The following ABCC5 variants were observed in gnomAD, a reference collection of about 807,000 sequenced individuals.
ABCC5 encodes the protein ATP-binding cassette sub-family C member 5.
Under a neutral mutation model 160.9 loss-of-function variants are expected in ABCC5, and 61 were observed. The observed-to-expected ratio is 0.38, with a 90% CI of 0.31 to 0.47. The LOEUF is 0.47. Among genes scored for constraint, ABCC5 ranks in the 20% least tolerant of loss-of-function variants. The pLI is 0.99. For synonymous variants in ABCC5, 666 were observed against 700.6 expected, an observed-to-expected ratio of 0.95 and a Z score of 0.78; for missense variants, 1,308 against 1,813.3, an observed-to-expected ratio of 0.72 and a Z score of 5.06.
chr3:183,929,717 C>G (rs944583609), intron 26 of ABCC5, among the ~76,000 whole-genome samples: 9 of 152,180 alleles, frequency 5.9e-5, no homozygotes, highest in Non-Finnish European at 7.3e-5. Context: ...TCAAGGAAAT[C>G]AGAGTTGATA....
At chr3:183,938,130 T>C in intron 25 of ABCC5, 70 bp from the exon 26 acceptor site, 1 of 1,483,282 alleles carries the variant, frequency 6.7e-7, no homozygotes, top group Non-Finnish European at 9.3e-7. Context: ...TGGTTTAGCC[T>C]CAGGGCAATG....
chr3:183,953,027 A>C, intron 18 of ABCC5, 59 bp downstream of exon 18: 1 of 1,491,046 alleles, frequency 6.7e-7, no homozygotes, highest in Non-Finnish European at 9.1e-7. Context: ...TAGCCAGGGA[A>C]TAGGGAGAAA....
intron 11 of ABCC5, among the ~76,000 whole-genome samples, chr3:183,970,901 T>C (rs965098208): frequency 2.0e-5 from 3 of 152,238 alleles, no homozygotes; most frequent in Admixed American, 6.5e-5. Flanking sequence ...GCATCTGGCA[T>C]GGAGTTTGAT....
At chr3:183,929,968 G>A (rs975096193) in intron 26 of ABCC5, among the ~76,000 whole-genome samples, 3 of 152,148 alleles carry the variant, frequency 2.0e-5, no homozygotes, top group Admixed American at 6.5e-5. Flanking sequence ...CACTGAGGAT[G>A]AGGGTGGAGA....
intron 16 of ABCC5, among the ~76,000 whole-genome samples, chr3:183,960,422 A>G (rs1716614055): frequency 1.3e-5 from 2 of 152,120 alleles, no homozygotes; most frequent in Admixed American, 1.3e-4. Context: ...CCTTGTCCCA[A>G]TCGCAGTCAC....
At position 183,961,489 on chromosome 3, in the gene ABCC5, C is replaced by G. The variant is rs370888001; in HGVS notation, c.2379+22G>C. ...CCTTGCAGAGACAGAAGGGGACACA[C>G]GCAAACACCATCAGATCTTACCTCA... On this transcript the variant is annotated intron_variant, in intron 16 of 29. Transcript: ENST00000334444. 2.2e-5 allele frequency: 36 copies of G among 1,612,518 alleles called. No homozygotes were observed. The African/African-American group carries it at 3.6e-4, about 16-fold the overall frequency.
In ABCC5 at chr3:183,955,895, C is replaced by G. The variant is rs1359745231; in HGVS notation, c.2483-2625G>C. Among the ~76,000 whole-genome samples, 4 of 141,832 alleles carry G rather than the reference C, an allele frequency of 2.8e-5. 2 individuals are homozygous for G. Among genetic ancestry groups the G allele is most frequent in the African/African-American group, 1.0e-4 (4 of 38,700 alleles). The allele number at this position is 141,832 out of a possible 152,430, so 93.0% of individuals were successfully genotyped here. A position where few individuals can be genotyped will look rare whatever the true frequency, so the allele number is the denominator to read the frequency against. ...ATATTACATCTGTTATATGCAGATCCATGTGTATATCACATCAGTTATATG... is the reference window on the plus strand; with the variant it reads ...ATATTACATCTGTTATATGCAGATCGATGTGTATATCACATCAGTTATATG... On this transcript the variant is annotated intron_variant, in intron 17 of 29. Transcript: ENST00000334444.
chr3:184,005,979 T>C (rs112903369), intron 2 of ABCC5, among the ~76,000 whole-genome samples: 1 of 151,300 alleles, frequency 6.6e-6, no homozygotes, highest in African/African-American at 2.4e-5. Context: ...CTTTAACTCA[T>C]GCCAACAGGC....
intron 27 of ABCC5, 156 bp from the exon 28 acceptor site, chr3:183,927,599 C>T (rs1712713128): frequency 1.5e-5 from 15 of 985,418 alleles, no homozygotes; most frequent in South Asian, 4.7e-5. Flanking sequence ...ACTGATCATG[C>T]GTGCTAGGAC....
At position 183,989,334 on chromosome 3, in the gene ABCC5, G is replaced by A. The variant is rs1719526642; in HGVS notation, c.179C>T (p.Ser60Phe). The A allele has an allele frequency of 3.7e-6, 6 of 1,614,122 alleles. No individual in the cohort carries two copies. Among genetic ancestry groups the A allele is most frequent in the Non-Finnish European group, 5.1e-6 (6 of 1,180,018 alleles). Reference sequence around the variant, plus strand: ...CTGAGAATGCATGGAGGCATCAAGAGAGAGGCCCTCGGCTCGGGCTGCTGT... The same window carrying A: ...CTGAGAATGCATGGAGGCATCAAGAAAGAGGCCCTCGGCTCGGGCTGCTGT... Reference protein sequence around the residue: ...LETAARAEGLSLDASMHSQLR... With the variant: ...LETAARAEGLFLDASMHSQLR... Residue 60 changes from serine to phenylalanine, a missense_variant, in exon 3 of 30, where the codon TCT becomes TTT. Physicochemically the swap from Ser to Phe is radical, Grantham distance 155. Coordinates refer to ENST00000334444, the MANE Select transcript of ABCC5 (RefSeq NM_005688.4).
rs1719403098 is a variant in ABCC5, at chr3:183,988,204, TC to T, written c.444-288del. 6.6e-6 allele frequency among the ~76,000 whole-genome samples: 1 copy of T among 152,210 alleles called. No homozygotes were observed. Among genetic ancestry groups the T allele is most frequent in the African/African-American group, 2.4e-5 (1 of 41,452 alleles). On this transcript the variant is annotated intron_variant, in intron 4 of 29. Coordinates refer to ENST00000334444, the MANE Select transcript of ABCC5 (RefSeq NM_005688.4). This position sits in a 1 kb window ranked among gnomAD's most constrained non-coding sequence, Gnocchi z 4.4. ...GAATGCAATTTGTGAATAAGAACTT[TC>T]TTTTTCAGGGGCCCCCAACCCTTTC...
rs180901327 is a variant in ABCC5 at position 183,956,025 on chromosome 3, T to C, written c.2483-2755A>G. 2.8e-5 allele frequency among the ~76,000 whole-genome samples: 4 copies of C among 142,906 alleles called. 1 individual carries two copies. In the East Asian group the frequency reaches 1.0e-3, roughly 36 times the overall value. The allele number at this position is 142,906 out of a possible 152,430, so 93.8% of individuals were successfully genotyped here. On this transcript the variant is annotated intron_variant, in intron 17 of 29. Coordinates refer to ENST00000334444, the MANE Select transcript of ABCC5 (RefSeq NM_005688.4). ...ATCACATCGGTTACATGTTCATCCA[T>C]GTGTATATCACATCAGTTACATGCA...
intron 17 of ABCC5, among the ~76,000 whole-genome samples, chr3:183,956,016 GTTCATCCATGTGTATATCACATCA>G (rs1715885039): frequency 7.1e-6 from 1 of 141,696 alleles, no homozygotes. Flanking sequence ...TCGGTTACAT[GTTCATCCATGTGTATATCACATCA>G]GTTACATGCA....
At chr3:183,957,288 A>T (rs377565962) in intron 17 of ABCC5, among the ~76,000 whole-genome samples, 10 of 54,244 alleles carry the variant, frequency 1.8e-4, no homozygotes, top group Admixed American at 2.0e-4. Flanking sequence ...ATATGACATC[A>T]GTTACATGCG....
rs959289260 is a variant in ABCC5, at chr3:184,009,430, TA to T, written c.129+4833del. Among the ~76,000 whole-genome samples the T allele has an allele frequency of 1.1e-4, 16 of 152,240 alleles. No homozygotes were observed. In the East Asian group the frequency reaches 2.7e-3, roughly 26 times the overall value. On this transcript the variant is annotated intron_variant, in intron 2 of 29. Transcript: ENST00000334444. ...TCTCTGCCCAATTAACTGCTTACTTTAAAAAAAGAAAAACTATATGCTTATA... is the reference window on the plus strand; with the variant it reads ...TCTCTGCCCAATTAACTGCTTACTTTAAAAAAGAAAAACTATATGCTTATA...
At chr3:183,999,208 C>T (rs1444684962) in intron 2 of ABCC5, among the ~76,000 whole-genome samples, 1 of 151,842 alleles carries the variant, frequency 6.6e-6, no homozygotes, top group East Asian at 1.9e-4. Flanking sequence ...TGTCTAACTT[C>T]TCTTCCTCTC....
intron 17 of ABCC5, among the ~76,000 whole-genome samples, chr3:183,954,072 C>T (rs1434630097): frequency 6.6e-6 from 1 of 152,106 alleles, no homozygotes; most frequent in Non-Finnish European, 1.5e-5. Context: ...CTGTATGTGC[C>T]CTATCAGGGA....
chr3:183,958,844 C>T (rs978175146), intron 17 of ABCC5, among the ~76,000 whole-genome samples: 5 of 152,022 alleles, frequency 3.3e-5, no homozygotes, highest in Non-Finnish European at 5.9e-5. Context: ...GAGCAATCTT[C>T]CCACCTCAGC....
At chr3:183,939,879 T>G (rs1714122706) in intron 25 of ABCC5, among the ~76,000 whole-genome samples, 1 of 152,132 alleles carries the variant, frequency 6.6e-6, no homozygotes, top group African/African-American at 2.4e-5. Flanking sequence ...CACCATGTCA[T>G]GAAAGACCTC....
Sources: allele counts gnomAD v4.1 joint callset (sites outside exome capture counted in the v4.1 genomes callset), GRCh38; gene constraint gnomAD v4.1.1; non-coding constraint Gnocchi (gnomAD v3.1); transcripts MANE v1.5; gene names NCBI Gene and HGNC (gene_info 2026-07-23, HGNC 2026-07-21).